The following CSMD1 variants were observed in gnomAD, a reference collection of about 807,000 sequenced individuals.
CSMD1 encodes the protein CUB and sushi domain-containing protein 1.
A neutral mutation model predicts 417.5 loss-of-function variants in CSMD1; 213 were observed. The ratio of observed to expected loss-of-function variants is 0.51; its 90% CI spans 0.46 to 0.57. The LOEUF (loss-of-function observed/expected upper bound fraction) is 0.57, where lower values mean the gene tolerates loss of function less well. CSMD1 is among the 20% of genes least tolerant of loss of function. The pLI is 0.00. For missense variants in CSMD1, 6,923 were observed against 4,529.7 expected (o/e 1.53, Z -15.17); for synonymous variants, 2,862 against 1,736.8 (o/e 1.65, Z -16.11).
At position 3,736,044 on chromosome 8, in the gene CSMD1, C is replaced by A. The variant is rs142676492; in HGVS notation, c.931+17886G>T. Among the ~76,000 whole-genome samples, 185 of 152,144 alleles carry A rather than the reference C, an allele frequency of 1.2e-3. 1 individual carries two copies. The highest frequency in any genetic ancestry group is 4.2e-3 in the African/African-American group (174 of 41,514). Reference sequence around the variant, plus strand: ...ATAGAGGGAATAGAAATACAAAGAACTACCTAAAGCAGGTGTGAAGGAGAT... The same window carrying A: ...ATAGAGGGAATAGAAATACAAAGAAATACCTAAAGCAGGTGTGAAGGAGAT... On this transcript the variant is annotated intron_variant, in intron 6 of 69. Transcript: ENST00000635120.
At chr8:4,939,702 A>C (rs1807853406) in intron 1 of CSMD1, among the ~76,000 whole-genome samples, 1 of 152,214 alleles carries the variant, frequency 6.6e-6, no homozygotes, top group Admixed American at 6.5e-5. Context: ...TCAGAGGACA[A>C]GGAATAATTT....
intron 10 of CSMD1, among the ~76,000 whole-genome samples, chr8:3,571,725 G>C (rs1410501227): frequency 6.6e-6 from 1 of 151,724 alleles, no homozygotes; most frequent in Non-Finnish European, 1.5e-5. Flanking sequence ...CCGTCCCTGT[G>C]CTGGAAGGTC....
chr8:3,809,287 A>T (rs1292406470), intron 5 of CSMD1, among the ~76,000 whole-genome samples: 2 of 152,138 alleles, frequency 1.3e-5, no homozygotes, highest in Non-Finnish European at 2.9e-5. Flanking sequence ...CCATATCACA[A>T]CACAATGCAC....
chr8:3,307,802 G>T lies in CSMD1; in HGVS notation c.3843C>A (p.Ile1281=), dbSNP rs759285944. 1 of 1,613,378 alleles carries T rather than the reference G, an allele frequency of 6.2e-7. No homozygotes were observed. The change falls in exon 25 of 70, where the codon ATC becomes ATA. Residue 1281 remains isoleucine (I), a synonymous_variant. Transcript: ENST00000635120. ...ATATTCGTCCTGATGTGGCTGCATG[G>T]ATCTGACCACCACATTCCGCTGTAG... is the stretch of plus-strand genomic sequence containing the variant. The part of the protein sequence containing the change: ...PSCIAECGGQ[I]HAATSGRILS...
intron 3 of CSMD1, among the ~76,000 whole-genome samples, chr8:4,390,018 T>C (rs1030004472): frequency 6.6e-6 from 1 of 152,238 alleles, no homozygotes; most frequent in Non-Finnish European, 1.5e-5. Context: ...TATTACCAAT[T>C]TGCTTTTCAC....
At chr8:3,653,774 T>C (rs1487272225) in intron 7 of CSMD1, among the ~76,000 whole-genome samples, 1 of 152,156 alleles carries the variant, frequency 6.6e-6, no homozygotes, top group East Asian at 1.9e-4. Context: ...GTCCCCAAAA[T>C]GACATATCCC....
At chr8:3,472,545 G>C (rs745921283) in intron 11 of CSMD1, among the ~76,000 whole-genome samples, 2 of 151,926 alleles carry the variant, frequency 1.3e-5, no homozygotes, top group Admixed American at 6.6e-5. Context: ...TCCTGTATGT[G>C]TGCACAAGAA....
intron 6 of CSMD1, among the ~76,000 whole-genome samples, chr8:3,737,503 G>T (rs1378292538): frequency 1.3e-5 from 2 of 152,096 alleles, no homozygotes; most frequent in African/African-American, 4.8e-5. Flanking sequence ...TTTCTCTGTT[G>T]AACATTTTTT....
chr8:3,331,938 G>T (rs1217151183), intron 23 of CSMD1, among the ~76,000 whole-genome samples: 1 of 152,128 alleles, frequency 6.6e-6, no homozygotes, highest in African/African-American at 2.4e-5. Context: ...ACTGATAATA[G>T]ATAGCTAGAT....
At chr8:3,301,694 C>A (rs1021977195) in intron 25 of CSMD1, among the ~76,000 whole-genome samples, 1 of 152,142 alleles carries the variant, frequency 6.6e-6, no homozygotes, top group Admixed American at 6.5e-5. Context: ...GCCAAAGATA[C>A]ACCTGGAAAG....
intron 5 of CSMD1, among the ~76,000 whole-genome samples, chr8:3,774,907 A>G (rs970614758): frequency 3.3e-5 from 5 of 152,110 alleles, no homozygotes; most frequent in African/African-American, 1.2e-4. Flanking sequence ...TCTTTTCAAT[A>G]TGGTAACCAA....
chr8:4,873,790 C>T (rs1469629843), intron 1 of CSMD1, among the ~76,000 whole-genome samples: 1 of 152,016 alleles, frequency 6.6e-6, no homozygotes, highest in African/African-American at 2.4e-5. Context: ...GTGTTTGAAG[C>T]TGGAATCAAC....
At chr8:4,207,908 A>C (rs180806795) in intron 3 of CSMD1, among the ~76,000 whole-genome samples, 61 of 152,212 alleles carry the variant, frequency 4.0e-4, no homozygotes, top group African/African-American at 1.4e-3. Context: ...AAACATAACT[A>C]TATTTATATT....
At chr8:4,480,439 C>A (rs1046418541) in intron 2 of CSMD1, among the ~76,000 whole-genome samples, 1 of 152,134 alleles carries the variant, frequency 6.6e-6, no homozygotes, top group African/African-American at 2.4e-5. Context: ...GAGTCTATTG[C>A]GAGCATAACC....
intron 1 of CSMD1, among the ~76,000 whole-genome samples, chr8:4,747,632 A>T (rs764478868): frequency 2.6e-5 from 4 of 152,194 alleles, no homozygotes; most frequent in Non-Finnish European, 4.4e-5. Flanking sequence ...TAGCATCATT[A>T]TCAACCTTCT....
At chr8:3,268,369 A>C (rs1250618509) in intron 26 of CSMD1, among the ~76,000 whole-genome samples, 2 of 139,468 alleles carry the variant, frequency 1.4e-5, no homozygotes, top group African/African-American at 2.7e-5. Context: ...GCTCACTGCA[A>C]GCTCCGCCTC....
At chr8:3,654,443 A>G (rs1798004625) in intron 7 of CSMD1, among the ~76,000 whole-genome samples, 1 of 152,200 alleles carries the variant, frequency 6.6e-6, no homozygotes, top group South Asian at 2.1e-4. Context: ...ACATAGGGAA[A>G]AGATAATGGT....
intron 2 of CSMD1, among the ~76,000 whole-genome samples, chr8:4,443,432 TCAA>T (rs569245818): frequency 4.6e-5 from 7 of 152,332 alleles, no homozygotes; most frequent in African/African-American, 1.4e-4. Context: ...TATTCATTAT[TCAA>T]CAACACTGAA....
intron 1 of CSMD1, among the ~76,000 whole-genome samples, chr8:4,667,279 G>C (rs1032604163): frequency 2.6e-5 from 4 of 152,028 alleles, no homozygotes; most frequent in African/African-American, 7.2e-5. Context: ...CTTGAAATCA[G>C]AGTGTGTTAG....
Sources: allele counts gnomAD v4.1 joint callset (sites outside exome capture counted in the v4.1 genomes callset), GRCh38; gene constraint gnomAD v4.1.1; transcripts MANE v1.5; gene names NCBI Gene and HGNC (gene_info 2026-07-23, HGNC 2026-07-21).